Variants in CCDC102B observed in about 807,000 individuals in gnomAD.
CCDC102B encodes the protein coiled-coil domain containing 102B.
A neutral mutation model predicts 57.4 loss-of-function variants in CCDC102B; 75 were observed. The ratio of observed to expected loss-of-function variants is 1.31; its 90% CI spans 1.08 to 1.58. The LOEUF (loss-of-function observed/expected upper bound fraction) is 1.58. CCDC102B is among the 40% of genes most tolerant of loss of function. CCDC102B has a pLI of 0.00. For missense variants in CCDC102B, 636 were observed against 582.6 expected, an observed-to-expected ratio of 1.09 and a Z score of -0.94; for synonymous variants, 206 against 201.9, an observed-to-expected ratio of 1.02 and a Z score of -0.17.
rs570935033 is a variant in CCDC102B, at chr18:68,880,128, C to G, written c.1053+5343C>G. 8.1e-4 allele frequency among the ~76,000 whole-genome samples: 124 copies of G among 152,314 alleles called. 1 individual carries two copies. The highest frequency in any genetic ancestry group is 2.7e-3 in the African/African-American group (112 of 41,574). ...CTCAGGCATGGCGGGCTGCAGGTCCCGAGCCCTGCCCCGCCCAAGGCAGCT... is the reference window on the plus strand; with the variant it reads ...CTCAGGCATGGCGGGCTGCAGGTCCGGAGCCCTGCCCCGCCCAAGGCAGCT... On this transcript the variant is annotated intron_variant, in intron 5 of 7. Transcript: ENST00000360242.
intron 6 of CCDC102B, among the ~76,000 whole-genome samples, chr18:68,995,877 A>G (rs1353622760): frequency 6.6e-6 from 1 of 152,122 alleles, no homozygotes; most frequent in African/African-American, 2.4e-5. Context: ...CAGGCACTCA[A>G]TGCCAGCCCA....
chr18:68,988,858 A>C (rs1054778074), intron 6 of CCDC102B, among the ~76,000 whole-genome samples: 2 of 152,210 alleles, frequency 1.3e-5, no homozygotes, highest in Middle Eastern at 3.2e-3. Flanking sequence ...ATTTTTTGTG[A>C]ACATTTATCA....
At chr18:68,784,834 CT>C (rs77451889) in intron 2 of CCDC102B, among the ~76,000 whole-genome samples, 20,470 of 147,904 alleles carry the variant, frequency 0.14, 1,650 homozygotes, top group East Asian at 0.31. Context: ...GTTTTGGTAA[CT>C]TTTTTTTTTT....
At chr18:69,003,238 A>C (rs1161403523) in intron 6 of CCDC102B, among the ~76,000 whole-genome samples, 1 of 152,212 alleles carries the variant, frequency 6.6e-6, no homozygotes, top group Non-Finnish European at 1.5e-5. Flanking sequence ...GGATTTTTTC[A>C]AATAAAAAGA....
intron 1 of CCDC102B, among the ~76,000 whole-genome samples, chr18:68,826,876 A>C (rs1353972154): frequency 1.3e-5 from 2 of 152,200 alleles, no homozygotes; most frequent in African/African-American, 4.8e-5. Context: ...TTTATGGATA[A>C]GAGTTAAAAT....
At chr18:69,048,814 T>TAG (rs2052627844) in intron 7 of CCDC102B, among the ~76,000 whole-genome samples, 1 of 152,126 alleles carries the variant, frequency 6.6e-6, no homozygotes, top group Non-Finnish European at 1.5e-5. Context: ...AACGCTGGTA[T>TAG]AGAGATCAAT....
intron 1 of CCDC102B, among the ~76,000 whole-genome samples, chr18:68,814,822 GA>G (rs558884266): frequency 1.3e-5 from 2 of 151,512 alleles, no homozygotes; most frequent in Admixed American, 6.6e-5. Flanking sequence ...AAGCTGAAAA[GA>G]AAAAAAATCT....
At chr18:68,733,478 TTATA>T (rs1301629816) in intron 2 of CCDC102B, among the ~76,000 whole-genome samples, 5 of 25,132 alleles carry the variant, frequency 2.0e-4, no homozygotes, top group African/African-American at 8.1e-4. Context: ...TTAGACAACT[TTATA>T]TATATATATA....
chr18:68,919,471 A>G (rs73463829), intron 6 of CCDC102B, among the ~76,000 whole-genome samples: 2,814 of 152,222 alleles, frequency 0.018, 83 homozygotes, highest in African/African-American at 0.062. Context: ...TATTTTAGAG[A>G]TTAATTACAA....
At chr18:68,921,533 C>T (rs1402778934) in intron 6 of CCDC102B, among the ~76,000 whole-genome samples, 1 of 152,158 alleles carries the variant, frequency 6.6e-6, no homozygotes, top group Non-Finnish European at 1.5e-5. Flanking sequence ...ACATTATCTC[C>T]ATGGGGCCAG....
intron 2 of CCDC102B, among the ~76,000 whole-genome samples, chr18:68,777,970 G>A (rs900748492): frequency 2.0e-5 from 3 of 152,100 alleles, no homozygotes; most frequent in African/African-American, 7.2e-5. Flanking sequence ...AATTAGTTTA[G>A]AAACTATAGA....
At chr18:68,956,844 G>A (rs962316277) in intron 6 of CCDC102B, among the ~76,000 whole-genome samples, 1 of 150,720 alleles carries the variant, frequency 6.6e-6, no homozygotes, top group African/African-American at 2.4e-5. Flanking sequence ...ATAATATCTC[G>A]CTGTAATTTT....
At position 68,787,673 on chromosome 18, in the gene CCDC102B, T is replaced by C. The variant is rs1242271835; in HGVS notation, c.-66-35693T>C. On this transcript the variant is annotated intron_variant, in intron 2 of 3. Transcript: ENST00000578970. ...TGTATTTCTGTGGGATCGGTGGTGA[T>C]ATCCCCTTTATCATTTTTTATTGCG... Among the ~76,000 whole-genome samples the C allele has an allele frequency of 2.4e-4, 35 of 148,042 alleles. No homozygotes were observed. The East Asian group carries it at 6.2e-3, about 26-fold the overall frequency.
At chr18:68,886,402 C>T (rs2039885650) in intron 5 of CCDC102B, among the ~76,000 whole-genome samples, 1 of 150,676 alleles carries the variant, frequency 6.6e-6, no homozygotes, top group Non-Finnish European at 1.5e-5. Flanking sequence ...GTAAATGCCA[C>T]CTATTTATTT....
chr18:69,011,292 G>T (rs144821449), intron 7 of CCDC102B, 188 bp downstream of exon 7: 14 of 581,042 alleles, frequency 2.4e-5, no homozygotes, highest in Non-Finnish European at 4.1e-5. Flanking sequence ...TGTTTGTGGC[G>T]GTAATAGTAT....
At chr18:68,980,177 C>T (rs2050540837) in intron 6 of CCDC102B, among the ~76,000 whole-genome samples, 1 of 151,794 alleles carries the variant, frequency 6.6e-6, no homozygotes, top group South Asian at 2.1e-4. Context: ...GGAGTAGAAC[C>T]CTTGTGAGTT....
chr18:68,801,817 T>C lies in CCDC102B; in HGVS notation c.-16+3636T>C, dbSNP rs139350026. The stretch of plus-strand genomic sequence containing the variant: ...TGGAAATAGTTTTGAGAGTCTTTCA[T>C]ACAATCTTTCCTTTCCTCCCTTAGT... On this transcript the variant is annotated intron_variant, in intron 1 of 7. Coordinates refer to ENST00000360242, the MANE Select transcript of CCDC102B (RefSeq NM_024781.3). Among the ~76,000 whole-genome samples the C allele has an allele frequency of 2.0e-3, 306 of 152,290 alleles. 3 individuals carry two copies. Among genetic ancestry groups the C allele is most frequent in the African/African-American group, 7.1e-3 (297 of 41,556 alleles).
rs560562392 is a variant in CCDC102B, at chr18:68,929,166, A to C, written c.1263+31738A>C. On this transcript the variant is annotated intron_variant, in intron 6 of 7. Coordinates refer to ENST00000360242, the MANE Select transcript of CCDC102B (RefSeq NM_024781.3). ...TTGAAAGCTCAAGATCCATTTCATTAGATTGGATCAGAAGTCTTAATAATT... is the reference window on the plus strand; with the variant it reads ...TTGAAAGCTCAAGATCCATTTCATTCGATTGGATCAGAAGTCTTAATAATT... Among the ~76,000 whole-genome samples the C allele has an allele frequency of 9.2e-5, 14 of 152,054 alleles. No homozygotes were observed. The East Asian group carries it at 1.8e-3, about 19-fold the overall frequency.
intron 2 of CCDC102B, among the ~76,000 whole-genome samples, chr18:68,790,195 C>T (rs568299567): frequency 6.9e-4 from 104 of 151,386 alleles, no homozygotes; most frequent in African/African-American, 1.1e-3. Flanking sequence ...ATTCTCAGAT[C>T]TCCAGCTGTG....
Sources: gnomAD v4.1 joint callset for allele counts (sites outside exome capture counted in the v4.1 genomes callset) on GRCh38, gnomAD v4.1.1 for gene constraint, MANE v1.5 for transcripts, NCBI Gene and HGNC (gene_info 2026-07-23, HGNC 2026-07-21) for gene names.